The following UBE2V1 variants were observed in gnomAD, a reference collection of about 807,000 sequenced individuals.
The protein encoded by UBE2V1 is ubiquitin conjugating enzyme E2 V1.
Under a neutral mutation model 19.6 loss-of-function variants are expected in UBE2V1, and 15 were observed. The observed-to-expected ratio is 0.77, with a 90% CI of 0.51 to 1.18. The LOEUF (loss-of-function observed/expected upper bound fraction) is 1.18, where lower values mean the gene tolerates loss of function less well. Ranked by LOEUF, UBE2V1 falls within the 50% of genes most tolerant of loss-of-function variation. The probability of loss-of-function intolerance (pLI) is 0.00; values close to 1 mark genes in which losing one functional copy is unlikely to be tolerated. For synonymous variants in UBE2V1, 60 were observed against 60.7 expected (o/e 0.99, Z 0.05); for missense variants, 125 against 184.8 (o/e 0.68, Z 1.88).
At chr20:50,096,430 G>T in intron 2 of UBE2V1, 2 of 952,366 alleles carry the variant, frequency 2.1e-6, no homozygotes, top group Non-Finnish European at 1.5e-6. Context: ...ACACCTCACT[G>T]TCTACATTGT....
chr20:50,093,751 G>C (rs1490108110), intron 2 of UBE2V1, among the ~76,000 whole-genome samples: 1 of 151,770 alleles, frequency 6.6e-6, no homozygotes, highest in African/African-American at 2.4e-5. Flanking sequence ...CAGCACTTTG[G>C]GAGGCCGAGG....
chr20:50,106,871 CAACAAAAA>C (rs1481449898), intron 1 of UBE2V1, among the ~76,000 whole-genome samples: 3 of 84,776 alleles, frequency 3.5e-5, no homozygotes, highest in African/African-American at 6.1e-5. Flanking sequence ...ACAACAACAA[CAACAAAAA>C]AAAAAAAACA....
chr20:50,102,400 T>C (rs530501018), intron 1 of UBE2V1, among the ~76,000 whole-genome samples: 11 of 152,332 alleles, frequency 7.2e-5, no homozygotes, highest in African/African-American at 2.4e-4. Context: ...AGCAACCTTG[T>C]ATGCATCCTT....
At position 50,084,151 on chromosome 20, in the gene UBE2V1, C is replaced by G; in HGVS notation, c.275G>C (p.Gly92Ala). ...VRFVTKINMN[G>A]VNSSNGVVDP... Reference sequence around the variant, plus strand: ...TACCACTCCATTAGAACTATTTACTCCATTCATATTAATTTTTGTTACAAA... The same window carrying G: ...TACCACTCCATTAGAACTATTTACTGCATTCATATTAATTTTTGTTACAAA... The change falls in exon 3 of 4, where the codon GGA becomes GCA. Residue 92 changes from glycine (G) to alanine (A), a missense_variant. Gly to Ala is a moderately conservative substitution (Grantham distance 60, BLOSUM62 0). Around this residue, in one of 3 missense-constraint regions of UBE2V1, gnomAD observed 78 missense variants for 108.8 expected, o/e 0.72. Transcript: ENST00000371674. 1 of 1,603,634 alleles carries G rather than the reference C, an allele frequency of 6.2e-7. No individual in the cohort carries two copies. The highest frequency in any genetic ancestry group is 8.5e-7 in the Non-Finnish European group (1 of 1,176,414).
At chr20:50,112,152 T>G (rs1380395935) in intron 1 of UBE2V1, among the ~76,000 whole-genome samples, 1 of 152,152 alleles carries the variant, frequency 6.6e-6, no homozygotes, top group Non-Finnish European at 1.5e-5. Context: ...CTCACTCAAT[T>G]CAAAAAGAGG....
rs1363988460 is a variant in UBE2V1 at position 50,082,750 on chromosome 20, T to G, written c.*18A>C. On this transcript the variant is annotated 3_prime_UTR_variant, in exon 4 of 4. Transcript: ENST00000371674. ...CGAATTGGGGGGAAGGGGAAGGGCC[T>G]GTGGTTTTTCTTTTTGATTAATTGC... 4 of 1,606,816 alleles carry G rather than the reference T, an allele frequency of 2.5e-6. No individual in the cohort carries two copies. In the African/African-American group the frequency reaches 5.4e-5, roughly 22 times the overall value.
chr20:50,090,159 T>C (rs1374399082), intron 2 of UBE2V1, among the ~76,000 whole-genome samples: 1 of 152,232 alleles, frequency 6.6e-6, no homozygotes, highest in African/African-American at 2.4e-5. Context: ...CCAACATCTA[T>C]TTGATCAACT....
chr20:50,088,551 C>G (rs567832403), intron 2 of UBE2V1, among the ~76,000 whole-genome samples: 9 of 152,132 alleles, frequency 5.9e-5, no homozygotes, highest in Non-Finnish European at 8.8e-5. Flanking sequence ...TTTGGGAGGC[C>G]AAGACAGGAG....
At chr20:50,099,169 G>A (rs1431055792) in intron 1 of UBE2V1, among the ~76,000 whole-genome samples, 1 of 152,066 alleles carries the variant, frequency 6.6e-6, no homozygotes, top group Non-Finnish European at 1.5e-5. Flanking sequence ...TGATAGGAAG[G>A]CTGATGACTG....
At chr20:50,104,710 A>G (rs1435041480) in intron 1 of UBE2V1, among the ~76,000 whole-genome samples, 1 of 151,050 alleles carries the variant, frequency 6.6e-6, no homozygotes, top group Non-Finnish European at 1.5e-5. Context: ...TTTTGAGATA[A>G]GTAAAATTTG....
chr20:50,102,986 C>T (rs2080104116), intron 1 of UBE2V1, among the ~76,000 whole-genome samples: 1 of 152,230 alleles, frequency 6.6e-6, no homozygotes, highest in Non-Finnish European at 1.5e-5. Flanking sequence ...TTCCCTTGTC[C>T]TCAACCAAGG....
chr20:50,110,878 C>G (rs1326874135), intron 1 of UBE2V1, among the ~76,000 whole-genome samples: 1 of 152,232 alleles, frequency 6.6e-6, no homozygotes, highest in Non-Finnish European at 1.5e-5. Context: ...AGCCCACTCT[C>G]TCTCCTGCCT....
At chr20:50,113,284 T>G, upstream of UBE2V1, 1 of 503,724 alleles carries the variant, frequency 2.0e-6, no homozygotes, top group Non-Finnish European at 3.1e-6. Flanking sequence ...CTCTTTTCCT[T>G]CCCTTTTAGA....
In UBE2V1 at chr20:50,082,616, G is replaced by GT. The variant is rs527244006; in HGVS notation, c.*151dup. 125 of 1,339,484 alleles carry GT rather than the reference G, an allele frequency of 9.3e-5. No individual in the cohort carries two copies. In the East Asian group the frequency reaches 2.3e-3, roughly 25 times the overall value. 83.0% of individuals were successfully genotyped at this position (1,339,484 alleles called of 1,614,324 possible). ...GGACAAAAAATTAGTATCATTTACA[G>GT]TATCTTAAGATAAATTTCCTTTGAA... On this transcript the variant is annotated 3_prime_UTR_variant, in exon 4 of 4. Coordinates refer to ENST00000371674, the MANE Select transcript of UBE2V1 (RefSeq NM_001032288.3).
At chr20:50,108,201 T>A (rs1432244038) in intron 1 of UBE2V1, among the ~76,000 whole-genome samples, 1 of 152,206 alleles carries the variant, frequency 6.6e-6, no homozygotes, top group Non-Finnish European at 1.5e-5. Flanking sequence ...AAGAGGCTTT[T>A]TCCATCTTCC....
chr20:50,086,949 C>A (rs376283590), intron 2 of UBE2V1, among the ~76,000 whole-genome samples: 2 of 152,048 alleles, frequency 1.3e-5, no homozygotes, highest in African/African-American at 4.8e-5. Flanking sequence ...TGGTTGTGGG[C>A]GCCTATAGTC....
chr20:50,093,185 A>C (rs2079344131), intron 2 of UBE2V1, among the ~76,000 whole-genome samples: 1 of 152,270 alleles, frequency 6.6e-6, no homozygotes, highest in Non-Finnish European at 1.5e-5. Context: ...TGCATGAAAT[A>C]ATTTTGTACA....
intron 1 of UBE2V1, among the ~76,000 whole-genome samples, chr20:50,109,525 C>A (rs922721118): frequency 6.6e-6 from 1 of 151,956 alleles, no homozygotes; most frequent in African/African-American, 2.4e-5. Flanking sequence ...CTGAGACGGG[C>A]GGATCATGAG....
intron 1 of UBE2V1, chr20:50,111,231 C>T (rs2080731677): frequency 1.0e-6 from 1 of 984,058 alleles, no homozygotes; most frequent in African/African-American, 1.7e-5. Context: ...CTCTTGTATT[C>T]CACTAGACAG....
Sources: gnomAD v4.1 joint callset for allele counts (sites outside exome capture counted in the v4.1 genomes callset) on GRCh38, gnomAD v4.1.1 for gene constraint, gnomAD v4.1.1 regional missense constraint, MANE v1.5 for transcripts, NCBI Gene and HGNC (gene_info 2026-07-23, HGNC 2026-07-21) for gene names.